Variants in INSR observed in about 807,000 individuals in gnomAD.
INSR encodes IR.
In INSR, 67 loss-of-function variants were observed where a neutral mutation model predicts 142.6. The ratio of observed to expected loss-of-function variants is 0.47; its 90% CI spans 0.39 to 0.58. The LOEUF is 0.58. Among genes scored for constraint, INSR ranks in the 20% least tolerant of loss-of-function variants. The pLI is 0.00. For missense variants in INSR, 1,248 were observed against 1,833.2 expected (o/e 0.68, Z 5.83); for synonymous variants, 756 against 743.1 (o/e 1.02, Z -0.28).
chr19:7,157,693 A>G (rs1391187246), intron 9 of INSR, among the ~76,000 whole-genome samples: 1 of 151,928 alleles, frequency 6.6e-6, no homozygotes, highest in Non-Finnish European at 1.5e-5. Context: ...ACAGCTCTTT[A>G]CAAGCAAAAT....
At chr19:7,235,389 C>T (rs190438795) in intron 2 of INSR, among the ~76,000 whole-genome samples, 72 of 152,236 alleles carry the variant, frequency 4.7e-4, no homozygotes, top group Admixed American at 3.2e-3. Context: ...GCTCTCAACT[C>T]TCTCACAGGA....
chr19:7,262,598 G>A (rs554986830), intron 2 of INSR, among the ~76,000 whole-genome samples: 17 of 152,224 alleles, frequency 1.1e-4, no homozygotes, highest in Non-Finnish European at 2.2e-4. Flanking sequence ...AAGCGACCAA[G>A]TGCCCGTAGA....
At chr19:7,172,837 A>G in intron 4 of INSR, among the ~76,000 whole-genome samples, 1 of 146,440 alleles carries the variant, frequency 6.8e-6, no homozygotes, top group Non-Finnish European at 1.5e-5. Flanking sequence ...GTTCAAGACC[A>G]CCCTGGCCAA....
At position 7,226,234 on chromosome 19, in the gene INSR, C is replaced by A. The variant is rs180808455; in HGVS notation, c.652+41111G>T. On this transcript the variant is annotated intron_variant, in intron 2 of 21. Transcript: ENST00000302850. The stretch of plus-strand genomic sequence containing the variant: ...CATCCTGGCCAACATGGTGAAACCA[C>A]ATCTCTACTAAAAATACAAAAAAAA... 1.6e-3 allele frequency among the ~76,000 whole-genome samples: 242 copies of A among 151,890 alleles called. 1 individual carries two copies. The highest frequency in any genetic ancestry group is 2.7e-3 in the East Asian group (14 of 5,148).
Position 7,141,785 on chromosome 19 carries a change from C to A in INSR, c.2574G>T (p.Thr858=). The change falls in exon 13 of 22, where the codon ACG becomes ACT. Residue 858 remains threonine, a synonymous_variant. Transcript: ENST00000302850. ...AKADDIVGPV[T]HEIFENNVVH... ...CGACGTTGTTCTCAAAGATTTCATGCGTCACAGGGCCAACAATGTCATCAG... is the reference window on the plus strand; with the variant it reads ...CGACGTTGTTCTCAAAGATTTCATGAGTCACAGGGCCAACAATGTCATCAG... The A allele has an allele frequency of 2.5e-6, 4 of 1,614,128 alleles. No individual in the cohort carries two copies. The highest frequency in any genetic ancestry group is 3.4e-6 in the Non-Finnish European group (4 of 1,179,990).
At chr19:7,223,039 CCA>C (rs1975669933) in intron 2 of INSR, among the ~76,000 whole-genome samples, 1 of 152,070 alleles carries the variant, frequency 6.6e-6, no homozygotes, top group Non-Finnish European at 1.5e-5. Context: ...AAAAATTAGC[CCA>C]GTGTGGTGGC....
At chr19:7,191,676 C>T (rs1254068378) in intron 2 of INSR, among the ~76,000 whole-genome samples, 1 of 151,956 alleles carries the variant, frequency 6.6e-6, no homozygotes, top group Non-Finnish European at 1.5e-5. Context: ...AAAAAATTAG[C>T]CAGGTGTGAT....
intron 2 of INSR, among the ~76,000 whole-genome samples, chr19:7,205,739 A>C (rs920997800): frequency 6.6e-6 from 1 of 152,054 alleles, no homozygotes; most frequent in Non-Finnish European, 1.5e-5. Flanking sequence ...ATAATACAAA[A>C]ATTAGGTGGG....
chr19:7,186,090 G>A (rs985314769), intron 2 of INSR, among the ~76,000 whole-genome samples: 1 of 152,096 alleles, frequency 6.6e-6, no homozygotes, highest in Non-Finnish European at 1.5e-5. Flanking sequence ...CAGCTACTCA[G>A]GAGGCTGAGG....
intron 1 of INSR, among the ~76,000 whole-genome samples, chr19:7,282,474 GGAGTTTGA>G (rs1370176551): frequency 6.6e-6 from 1 of 151,950 alleles, no homozygotes; most frequent in Non-Finnish European, 1.5e-5. Context: ...CTTGAGGTCA[GGAGTTTGA>G]GACCCACCTG....
At chr19:7,261,529 A>AT (rs199772990) in intron 2 of INSR, among the ~76,000 whole-genome samples, 10 of 147,990 alleles carry the variant, frequency 6.8e-5, no homozygotes, top group East Asian at 2.0e-4. Flanking sequence ...TCCCCTAACC[A>AT]TTTTTTTTTC....
intron 2 of INSR, among the ~76,000 whole-genome samples, chr19:7,239,340 A>G (rs1430845831): frequency 7.3e-6 from 1 of 136,784 alleles, no homozygotes; most frequent in African/African-American, 2.7e-5. Flanking sequence ...AGGAAGAGGT[A>G]GGAAGACATG....
intron 9 of INSR, among the ~76,000 whole-genome samples, chr19:7,154,410 C>T (rs1973532768): frequency 7.0e-6 from 1 of 142,656 alleles, no homozygotes; most frequent in Non-Finnish European, 1.5e-5. Flanking sequence ...TCATGGCATT[C>T]TCCTGCCTCA....
chr19:7,215,849 G>A (rs895175621), intron 2 of INSR, among the ~76,000 whole-genome samples: 1 of 151,606 alleles, frequency 6.6e-6, no homozygotes, highest in African/African-American at 2.4e-5. Context: ...GATTACAGGC[G>A]TGAGCCACCA....
chr19:7,135,552 C>T (rs898755862), intron 13 of INSR, among the ~76,000 whole-genome samples: 6 of 149,460 alleles, frequency 4.0e-5, no homozygotes, highest in Admixed American at 2.0e-4. Context: ...TGGCGGATGG[C>T]GGGCCTGGGT....
chr19:7,232,346 G>A (rs1976005687), intron 2 of INSR, among the ~76,000 whole-genome samples: 1 of 152,030 alleles, frequency 6.6e-6, no homozygotes, highest in South Asian at 2.1e-4. Flanking sequence ...TGAGTAGCTG[G>A]GATTACAGGA....
At chr19:7,235,599 A>C (rs201956764) in intron 2 of INSR, among the ~76,000 whole-genome samples, 1 of 148,044 alleles carries the variant, frequency 6.8e-6, no homozygotes, top group Admixed American at 6.8e-5. Flanking sequence ...CCTGTAATCC[A>C]ACACTTTGGA....
intron 1 of INSR, 65 bp downstream of exon 1, chr19:7,293,727 T>C: frequency 8.1e-7 from 1 of 1,232,492 alleles, no homozygotes; most frequent in Non-Finnish European, 1.0e-6. Context: ...GGCTCGATTT[T>C]GGCTTGGGTG....
intron 9 of INSR, 94 bp from the exon 10 acceptor site, chr19:7,153,021 ACAC>A (rs1973425781): frequency 2.1e-6 from 1 of 483,026 alleles, no homozygotes; most frequent in Admixed American, 4.1e-5. Flanking sequence ...CACCACACAC[ACAC>A]ACCACACACA....
Sources: allele counts gnomAD v4.1 joint callset (sites outside exome capture counted in the v4.1 genomes callset), GRCh38; gene constraint gnomAD v4.1.1; transcripts MANE v1.5; gene names NCBI Gene and HGNC (gene_info 2026-07-23, HGNC 2026-07-21).